Variants in NPAS3 observed in about 807,000 individuals in gnomAD.
NPAS3 encodes the protein neuronal PAS domain-containing protein 3.
In NPAS3, 14 loss-of-function variants were observed where a neutral mutation model predicts 73.1. The ratio of observed to expected loss-of-function variants is 0.19; its 90% confidence interval spans 0.13 to 0.30. NPAS3 has a LOEUF of 0.30. NPAS3 is among the 10% of genes least tolerant of loss of function. The probability of loss-of-function intolerance (pLI) is 1.00; values close to 1 mark genes in which losing one functional copy is unlikely to be tolerated. For missense variants in NPAS3, 1,096 were observed against 1,250.0 expected (o/e 0.88, Z 1.86); for synonymous variants, 620 against 541.5 (o/e 1.14, Z -2.01).
chr14:33,643,375 TAAAAAAAAAAAAA>T (rs755879056), intron 5 of NPAS3, among the ~76,000 whole-genome samples: 2 of 94,666 alleles, frequency 2.1e-5, no homozygotes, highest in African/African-American at 8.0e-5. Flanking sequence ...AAATAAAAAT[TAAAAAAAAAAAAA>T]AAAAAAAAAA....
chr14:33,233,612 G>C (rs546239952), intron 3 of NPAS3, among the ~76,000 whole-genome samples: 43 of 152,174 alleles, frequency 2.8e-4, no homozygotes, highest in Non-Finnish European at 3.8e-4. Context: ...AACATACTGA[G>C]TTAATTATTC....
chr14:33,065,454 C>T (rs1456648864), intron 2 of NPAS3, among the ~76,000 whole-genome samples: 1 of 151,996 alleles, frequency 6.6e-6, no homozygotes, highest in Admixed American at 6.6e-5. Context: ...ATGTTTAGGT[C>T]CAGTTCTTAA....
intron 2 of NPAS3, among the ~76,000 whole-genome samples, chr14:33,209,786 T>C (rs1402762780): frequency 6.6e-6 from 1 of 152,198 alleles, no homozygotes; most frequent in Non-Finnish European, 1.5e-5. Flanking sequence ...TCCTTTACCC[T>C]ATAGTTAGAT....
chr14:33,341,492 G>C (rs931268709), intron 3 of NPAS3, among the ~76,000 whole-genome samples: 1 of 151,632 alleles, frequency 6.6e-6, no homozygotes, highest in East Asian at 1.9e-4. Context: ...GCCATTTGTC[G>C]TGCTATGGAC....
intron 1 of NPAS3, among the ~76,000 whole-genome samples, chr14:33,050,769 T>A (rs2040675799): frequency 6.6e-6 from 1 of 152,218 alleles, no homozygotes; most frequent in Non-Finnish European, 1.5e-5. Context: ...TTTCAGCCTA[T>A]AGTTTATAAA....
At chr14:33,778,566 T>G in exon 9 of NPAS3, 2 of 1,604,860 alleles carry the variant, frequency 1.2e-6, no homozygotes, top group Non-Finnish European at 1.7e-6. Context: ...GCACAGTCAC[T>G]TGGACTGTAA....
intron 5 of NPAS3, among the ~76,000 whole-genome samples, chr14:33,598,021 T>G (rs887580531): frequency 6.6e-6 from 1 of 152,208 alleles, no homozygotes; most frequent in African/African-American, 2.4e-5. Context: ...AATACCCAAT[T>G]TAAGACAAGC....
intron 1 of NPAS3, among the ~76,000 whole-genome samples, chr14:32,954,910 A>G (rs1411563013): frequency 1.3e-5 from 2 of 152,174 alleles, no homozygotes; most frequent in Non-Finnish European, 2.9e-5. Context: ...GGAGATTACA[A>G]TCTTGCTTAG....
At chr14:33,105,762 A>C (rs1362958960) in intron 2 of NPAS3, among the ~76,000 whole-genome samples, 1 of 152,076 alleles carries the variant, frequency 6.6e-6, no homozygotes, top group Non-Finnish European at 1.5e-5. Context: ...TTAGGAAAAA[A>C]AAAGATCAAA....
intron 2 of NPAS3, among the ~76,000 whole-genome samples, chr14:33,160,061 T>C (rs1441822666): frequency 6.6e-6 from 1 of 152,228 alleles, no homozygotes; most frequent in African/African-American, 2.4e-5. Flanking sequence ...CTAGCTAGTT[T>C]AACTCACATT....
chr14:33,234,958 G>T (rs578121588), intron 3 of NPAS3, among the ~76,000 whole-genome samples: 1 of 152,116 alleles, frequency 6.6e-6, no homozygotes, highest in African/African-American at 2.4e-5. Context: ...TAATGGCAAA[G>T]TAAAATTTGA....
chr14:33,248,828 A>G (rs1566722155), intron 3 of NPAS3, among the ~76,000 whole-genome samples: 1 of 152,248 alleles, frequency 6.6e-6, no homozygotes, highest in Non-Finnish European at 1.5e-5. Flanking sequence ...TCAGATTTCA[A>G]TAAAACAATT....
At chr14:33,797,319 T>G in intron 10 of NPAS3, 138 bp from the exon 11 acceptor site, 2 of 929,638 alleles carry the variant, frequency 2.2e-6, no homozygotes, top group Non-Finnish European at 3.2e-6. Context: ...CATGAAGAGC[T>G]GAGAAATGAT....
intron 5 of NPAS3, among the ~76,000 whole-genome samples, chr14:33,561,827 AAAAGC>A (rs2055663801): frequency 6.6e-6 from 1 of 152,248 alleles, no homozygotes; most frequent in African/African-American, 2.4e-5. Flanking sequence ...GGAACTCCTG[AAAAGC>A]ATCCATTATA....
chr14:33,768,767 T>C (rs934929514), intron 7 of NPAS3, among the ~76,000 whole-genome samples: 2 of 152,310 alleles, frequency 1.3e-5, no homozygotes, highest in African/African-American at 4.8e-5. Flanking sequence ...CCCAATACAA[T>C]GTTATTTTTA....
chr14:33,389,614 A>T (rs1349932067), intron 4 of NPAS3, among the ~76,000 whole-genome samples: 2 of 152,208 alleles, frequency 1.3e-5, no homozygotes, highest in African/African-American at 4.8e-5. Flanking sequence ...GGTTGAAGCC[A>T]CAATCTTAAT....
chr14:33,458,256 CA>C (rs2050108911), intron 4 of NPAS3, among the ~76,000 whole-genome samples: 1 of 152,174 alleles, frequency 6.6e-6, no homozygotes, highest in African/African-American at 2.4e-5. Flanking sequence ...GACTTGAATA[CA>C]TAGAAATATT....
intron 6 of NPAS3, among the ~76,000 whole-genome samples, chr14:33,686,492 A>G (rs944088): frequency 0.36 from 55,431 of 152,032 alleles, 11,653 homozygotes; most frequent in African/African-American, 0.57. Context: ...TCCTGAATCC[A>G]TTAGGCAATG....
At chr14:33,042,243 G>A (rs1218272684) in intron 1 of NPAS3, among the ~76,000 whole-genome samples, 2 of 152,060 alleles carry the variant, frequency 1.3e-5, no homozygotes, top group African/African-American at 2.4e-5. Context: ...CACCTCTGGG[G>A]ATATTCCAAC....
Sources: gnomAD v4.1 joint callset for allele counts (sites outside exome capture counted in the v4.1 genomes callset) on GRCh38, gnomAD v4.1.1 for gene constraint, MANE v1.5 for transcripts, NCBI Gene and HGNC (gene_info 2026-07-23, HGNC 2026-07-21) for gene names.